The following GABRG3 variants were observed in gnomAD, a reference collection of about 807,000 sequenced individuals.
GABRG3 encodes gamma-aminobutyric acid receptor subunit gamma-3.
In GABRG3, 25 loss-of-function variants were observed where a neutral mutation model predicts 48.8. That is an observed-to-expected ratio of 0.51 (90% CI 0.37 to 0.72). GABRG3 has a LOEUF of 0.72. Among genes scored for constraint, GABRG3 ranks in the 30% least tolerant of loss-of-function variants. The probability of loss-of-function intolerance (pLI) is 0.00; values close to 1 mark genes in which losing one functional copy is unlikely to be tolerated. For synonymous variants in GABRG3, 227 were observed against 217.6 expected (o/e 1.04, Z -0.38); for missense variants, 394 against 577.9 (o/e 0.68, Z 3.26).
At chr15:27,393,358 A>AAG (rs1887206198) in intron 5 of GABRG3, among the ~76,000 whole-genome samples, 5 of 141,318 alleles carry the variant, frequency 3.5e-5, no homozygotes, top group South Asian at 4.8e-4. Context: ...AAAAAAAAAA[A>AAG]AAAAGAAAAG....
chr15:27,113,082 G>A (rs1407680432), intron 3 of GABRG3, among the ~76,000 whole-genome samples: 1 of 152,000 alleles, frequency 6.6e-6, no homozygotes, highest in Non-Finnish European at 1.5e-5. Context: ...CTGCTTTTCA[G>A]CTCTGTTTTC....
intron 5 of GABRG3, among the ~76,000 whole-genome samples, chr15:27,339,344 C>T (rs1894086488): frequency 6.6e-6 from 1 of 152,254 alleles, no homozygotes; most frequent in Admixed American, 6.5e-5. Context: ...GTCCAGCATC[C>T]TGGACCTGTG....
intron 5 of GABRG3, among the ~76,000 whole-genome samples, chr15:27,433,731 A>G (rs1888525964): frequency 6.6e-6 from 1 of 152,200 alleles, no homozygotes; most frequent in African/African-American, 2.4e-5. Flanking sequence ...CGCTATGGAA[A>G]GAGGCTGCTG....
At chr15:27,465,154 G>A (rs1203778235) in intron 5 of GABRG3, among the ~76,000 whole-genome samples, 1 of 152,166 alleles carries the variant, frequency 6.6e-6, no homozygotes, top group Non-Finnish European at 1.5e-5. Flanking sequence ...GCTGGTGGAG[G>A]GGGGTCTCCC....
intron 3 of GABRG3, among the ~76,000 whole-genome samples, chr15:27,103,069 G>A (rs4887535): frequency 0.023 from 3,568 of 152,262 alleles, 67 homozygotes; most frequent in Admixed American, 0.056. Flanking sequence ...ACTAGTCTTC[G>A]TCCTAGTCTT....
At chr15:27,093,727 A>G (rs985912296) in intron 3 of GABRG3, among the ~76,000 whole-genome samples, 1 of 152,208 alleles carries the variant, frequency 6.6e-6, no homozygotes, top group Non-Finnish European at 1.5e-5. Flanking sequence ...TTCCAGTATG[A>G]TGGATACTCT....
intron 5 of GABRG3, among the ~76,000 whole-genome samples, chr15:27,369,806 C>CAAAAAAAAAAAAAAAAAAAAAAAAAAA (rs34901488): frequency 3.3e-5 from 1 of 30,272 alleles, no homozygotes; most frequent in African/African-American, 9.0e-5. Context: ...GACTCCGTCT[C>CAAAAAAAAAAAAAAAAAAAAAAAAAAA]AAAAAAAAAA....
chr15:27,395,505 G>T (rs747518239), intron 5 of GABRG3, among the ~76,000 whole-genome samples: 1 of 152,154 alleles, frequency 6.6e-6, no homozygotes, highest in African/African-American at 2.4e-5. Flanking sequence ...TAAAGCTACA[G>T]TAATCTTGAA....
At chr15:27,347,584 T>C (rs1003349824) in intron 5 of GABRG3, among the ~76,000 whole-genome samples, 17 of 152,210 alleles carry the variant, frequency 1.1e-4, no homozygotes, top group Admixed American at 3.3e-4. Flanking sequence ...GCAAATGCTC[T>C]GGTGTATTTC....
chr15:27,510,184 T>C (rs1341897745), intron 6 of GABRG3, among the ~76,000 whole-genome samples: 1 of 152,146 alleles, frequency 6.6e-6, no homozygotes, highest in Non-Finnish European at 1.5e-5. Context: ...TCTATGCTTG[T>C]TGCGTGTGGG....
intron 6 of GABRG3, among the ~76,000 whole-genome samples, chr15:27,514,113 CAATTTT>C (rs1890963925): frequency 6.6e-6 from 1 of 152,138 alleles, no homozygotes; most frequent in East Asian, 1.9e-4. Flanking sequence ...ACTGATTCTA[CAATTTT>C]ATAAGCACAA....
At chr15:27,210,155 C>G (rs1410516424) in intron 3 of GABRG3, among the ~76,000 whole-genome samples, 2 of 152,140 alleles carry the variant, frequency 1.3e-5, no homozygotes, top group African/African-American at 4.8e-5. Flanking sequence ...GGTGGCCTTC[C>G]TTTGAAGGGA....
intron 5 of GABRG3, among the ~76,000 whole-genome samples, chr15:27,338,914 T>C (rs1486992752): frequency 6.6e-6 from 1 of 152,184 alleles, no homozygotes; most frequent in East Asian, 1.9e-4. Context: ...ATCCAAATGC[T>C]TCATATCTGG....
chr15:27,120,332 TAGGTG>T (rs1353164045), intron 3 of GABRG3, among the ~76,000 whole-genome samples: 1 of 152,228 alleles, frequency 6.6e-6, no homozygotes, highest in Non-Finnish European at 1.5e-5. Context: ...CTTGCATGCA[TAGGTG>T]CTTTTCACAC....
chr15:27,217,024 G>A (rs1033212468), intron 3 of GABRG3, among the ~76,000 whole-genome samples: 7 of 144,164 alleles, frequency 4.9e-5, no homozygotes, highest in African/African-American at 1.3e-4. Context: ...GAGAATATGC[G>A]GTGTTTGGTT....
chr15:27,232,817 C>T (rs1320030562), intron 3 of GABRG3, among the ~76,000 whole-genome samples: 1 of 152,182 alleles, frequency 6.6e-6, no homozygotes, highest in Admixed American at 6.5e-5. Flanking sequence ...AACATTCCTT[C>T]TGAAATAAGA....
intron 3 of GABRG3, among the ~76,000 whole-genome samples, chr15:27,135,914 A>ACAAAC (rs1393099577): frequency 6.6e-6 from 1 of 152,192 alleles, no homozygotes; most frequent in Non-Finnish European, 1.5e-5. Context: ...CCAAAACAAA[A>ACAAAC]CAAACAAAAA....
intron 3 of GABRG3, among the ~76,000 whole-genome samples, chr15:27,294,652 A>G (rs1891917196): frequency 6.6e-6 from 1 of 152,144 alleles, no homozygotes; most frequent in Admixed American, 6.5e-5. Context: ...GCAGATTCTC[A>G]GGCTGTAGCT....
At chr15:27,092,109 A>T (rs1897196110) in intron 3 of GABRG3, among the ~76,000 whole-genome samples, 1 of 152,062 alleles carries the variant, frequency 6.6e-6, no homozygotes, top group Non-Finnish European at 1.5e-5. Flanking sequence ...GAGTTTAAAG[A>T]GTCTCATCAT....
Sources: gnomAD v4.1 joint callset for allele counts (sites outside exome capture counted in the v4.1 genomes callset) on GRCh38, gnomAD v4.1.1 for gene constraint, MANE v1.5 for transcripts, NCBI Gene and HGNC (gene_info 2026-07-23, HGNC 2026-07-21) for gene names.